Variants in DOCK2 observed in about 807,000 individuals in gnomAD.
The protein encoded by DOCK2 is dedicator of cytokinesis protein 2.
In DOCK2, 87 loss-of-function variants were observed where a neutral mutation model predicts 248.9. The observed-to-expected ratio is 0.35, with a 90% CI of 0.29 to 0.42. DOCK2 has a LOEUF of 0.42. DOCK2 is among the 10% of genes least tolerant of loss of function. DOCK2 has a pLI of 1.00. For synonymous variants in DOCK2, 805 were observed against 821.6 expected (o/e 0.98, Z 0.35); for missense variants, 1,747 against 2,300.2 (o/e 0.76, Z 4.92).
intron 25 of DOCK2, among the ~76,000 whole-genome samples, chr5:169,800,966 T>TTTTTTG (rs1766938975): frequency 2.8e-5 from 3 of 107,948 alleles, no homozygotes; most frequent in African/African-American, 1.1e-4. Flanking sequence ...TTTTTTTTTT[T>TTTTTTG]TTTTTTTGAG....
chr5:169,669,232 ACTAG>A (rs1280686130), intron 2 of DOCK2, 52 bp from the exon 3 acceptor site: 22 of 1,607,466 alleles, frequency 1.4e-5, no homozygotes, highest in Non-Finnish European at 1.4e-5. Flanking sequence ...ACAGAAAAAC[ACTAG>A]CAACAAACTT....
In DOCK2 at chr5:169,717,365, T is replaced by A. The variant is rs772421644; in HGVS notation, c.2032-19T>A. 3.1e-6 allele frequency: 5 copies of A among 1,609,542 alleles called. No individual in the cohort carries two copies. In the Admixed American group the frequency reaches 8.3e-5, roughly 27 times the overall value. ...CCTGGGTTTGCCCTGAAAATACTGC[T>A]GCCTTGCATCTTCCTCAGATTTACA... On this transcript the variant is annotated intron_variant, in intron 20 of 51. Coordinates refer to ENST00000520908, the MANE Select transcript of DOCK2 (RefSeq NM_004946.3).
At chr5:169,786,041 T>C (rs1030809374) in intron 25 of DOCK2, among the ~76,000 whole-genome samples, 9 of 152,148 alleles carry the variant, frequency 5.9e-5, no homozygotes, top group African/African-American at 2.2e-4. Context: ...GCTACTTCTA[T>C]TACCACTAAT....
chr5:170,066,772 C>T (rs1757506520), intron 44 of DOCK2, among the ~76,000 whole-genome samples: 1 of 152,208 alleles, frequency 6.6e-6, no homozygotes, highest in African/African-American at 2.4e-5. Context: ...TTTATTGGAA[C>T]AGCCATTCTC....
chr5:169,747,436 A>G lies in DOCK2; in HGVS notation c.2308A>G (p.Met770Val). Residue 770 changes from methionine (M) to valine (V), a missense_variant, in exon 23 of 52, where the codon ATG becomes GTG. Coordinates refer to ENST00000520908, the MANE Select transcript of DOCK2 (RefSeq NM_004946.3). ...GKEQMEFEES[M>V]RRLFESINNL... ...AGAACAGATGGAGTTTGAAGAATCC[A>G]TGAGACGGCTCTTTGAATCCATCAA... The G allele has an allele frequency of 1.2e-6, 2 of 1,613,876 alleles. No homozygotes were observed. Among genetic ancestry groups the G allele is most frequent in the East Asian group, 4.5e-5 (2 of 44,854 alleles).
At position 169,674,425 on chromosome 5, in the gene DOCK2, C is replaced by A. The variant is rs1312274461; in HGVS notation, c.450C>A (p.Ser150=). ...ELKELKQKVT[S]KIDYGNKILE... Reference sequence around the variant, plus strand: ...AGGAACTGAAGCAGAAAGTCACGTCCAAAATTGACTATGGCAACAAGTAAC... The same window carrying A: ...AGGAACTGAAGCAGAAAGTCACGTCAAAAATTGACTATGGCAACAAGTAAC... The change falls in exon 6 of 52, where the codon TCC becomes TCA. Residue 150 remains serine, a synonymous_variant. Coordinates refer to ENST00000520908, the MANE Select transcript of DOCK2 (RefSeq NM_004946.3). 1 of 1,614,008 alleles carries A rather than the reference C, an allele frequency of 6.2e-7. No homozygotes were observed. Among genetic ancestry groups the A allele is most frequent in the Non-Finnish European group, 8.5e-7 (1 of 1,179,994 alleles).
chr5:169,666,560 G>A (rs917665637), intron 2 of DOCK2, among the ~76,000 whole-genome samples: 6 of 152,148 alleles, frequency 3.9e-5, no homozygotes, highest in Non-Finnish European at 7.3e-5. Context: ...TGTACCAACC[G>A]TTGTTATCTG....
chr5:169,637,562 C>T (rs1055974752), intron 1 of DOCK2, among the ~76,000 whole-genome samples, 193 bp downstream of exon 1: 1 of 152,192 alleles, frequency 6.6e-6, no homozygotes, highest in Non-Finnish European at 1.5e-5. Flanking sequence ...CCCCACCCCG[C>T]AGGCTAAGCA....
chr5:169,972,578 TAGATAGATGATA>T (rs780652472), intron 27 of DOCK2, among the ~76,000 whole-genome samples: 373 of 61,104 alleles, frequency 6.1e-3, no homozygotes, highest in African/African-American at 0.019. Context: ...GATAGATAGA[TAGATAGATGATA>T]GATAGATAGA....
chr5:169,936,023 C>T (rs1373450995), intron 27 of DOCK2, among the ~76,000 whole-genome samples: 6 of 152,026 alleles, frequency 3.9e-5, no homozygotes, highest in Non-Finnish European at 7.4e-5. Flanking sequence ...GGTGGCATGG[C>T]GGTGGGGGGA....
chr5:169,755,379 T>C (rs770344923), intron 23 of DOCK2, among the ~76,000 whole-genome samples: 3 of 152,206 alleles, frequency 2.0e-5, no homozygotes, highest in Admixed American at 1.3e-4. Flanking sequence ...TATAGGAATA[T>C]AGACTATGGA....
chr5:169,975,646 G>T (rs1349327680), intron 27 of DOCK2, among the ~76,000 whole-genome samples: 1 of 152,102 alleles, frequency 6.6e-6, no homozygotes, highest in Non-Finnish European at 1.5e-5. Context: ...TCTTAAAGAG[G>T]CCACTATGAT....
At chr5:169,891,014 C>G (rs1287675203) in intron 27 of DOCK2, among the ~76,000 whole-genome samples, 3 of 152,230 alleles carry the variant, frequency 2.0e-5, no homozygotes, top group Non-Finnish European at 4.4e-5. Flanking sequence ...CCATAACTTT[C>G]AGGGCCACAA....
At position 169,862,787 on chromosome 5, in the gene DOCK2, C is replaced by CT. The variant is rs554296005; in HGVS notation, c.2799+21935_2799+21936insT. Among the ~76,000 whole-genome samples the CT allele has an allele frequency of 4.4e-4, 67 of 152,306 alleles. 2 individuals carry two copies. The highest frequency in any genetic ancestry group is 3.4e-3 in the Middle Eastern group (1 of 294). ...CTATGACAGGGGAAGGTGAAACCAT[C>CT]GGAGTGGTTTGCTCAATTAGGCTCA... On this transcript the variant is annotated intron_variant, in intron 27 of 51. Coordinates refer to ENST00000520908, the MANE Select transcript of DOCK2 (RefSeq NM_004946.3).
intron 24 of DOCK2, 116 bp from the exon 25 acceptor site, chr5:169,761,403 C>G: frequency 1.3e-6 from 1 of 771,650 alleles, no homozygotes; most frequent in South Asian, 1.7e-5. Flanking sequence ...ACCTCATGCT[C>G]TGCCAGGACT....
chr5:169,949,740 T>C (rs973905172), intron 27 of DOCK2, among the ~76,000 whole-genome samples: 1 of 111,062 alleles, frequency 9.0e-6, no homozygotes, highest in African/African-American at 4.4e-5. Flanking sequence ...TTTCTGAGTG[T>C]ACACAGAGGT....
chr5:169,770,290 CTT>C (rs60938799), intron 25 of DOCK2, among the ~76,000 whole-genome samples: 430 of 101,596 alleles, frequency 4.2e-3, no homozygotes, highest in African/African-American at 0.016. Flanking sequence ...ATTCTTGAGT[CTT>C]TTTTTTTTTT....
intron 27 of DOCK2, among the ~76,000 whole-genome samples, chr5:169,974,725 C>G (rs976394676): frequency 2.0e-4 from 30 of 152,242 alleles, no homozygotes; most frequent in African/African-American, 7.0e-4. Context: ...TCCTGCACAG[C>G]CCTTCCTGAG....
chr5:169,727,379 AC>A (rs1762539683), intron 22 of DOCK2, among the ~76,000 whole-genome samples: 1 of 152,172 alleles, frequency 6.6e-6, no homozygotes, highest in Non-Finnish European at 1.5e-5. Context: ...GAGGGATCTG[AC>A]ACTCAAGCTG....
Sources: allele counts gnomAD v4.1 joint callset (sites outside exome capture counted in the v4.1 genomes callset), GRCh38; gene constraint gnomAD v4.1.1; transcripts MANE v1.5; gene names NCBI Gene and HGNC (gene_info 2026-07-23, HGNC 2026-07-21).